Variants in ERC2 observed in about 807,000 individuals in gnomAD.
ERC2 encodes ERC protein 2.
ERC2 carries 42 observed loss-of-function variants against 114.8 expected under a neutral mutation model. The observed-to-expected ratio is 0.37, with a 90% CI of 0.29 to 0.47. The LOEUF is 0.47. Ranked by LOEUF, ERC2 falls within the 20% of genes least tolerant of loss-of-function variation. The pLI, the probability that ERC2 is intolerant of heterozygous loss-of-function variation, is 0.99. For missense variants in ERC2, 939 were observed against 1,150.7 expected (o/e 0.82, Z 2.66); for synonymous variants, 454 against 425.5 (o/e 1.07, Z -0.82).
At position 55,764,401 on chromosome 3, in the gene ERC2, T is replaced by C. The variant is rs180725118; in HGVS notation, c.2565-29483A>G. ...CAACACTTGCATCGCATTTACTTAC[T>C]AACGGGATCTTTTACCTTGGACTGT... On this transcript the variant is annotated intron_variant, in intron 14 of 17. Coordinates refer to ENST00000288221, the MANE Select transcript of ERC2 (RefSeq NM_015576.3). Among the ~76,000 whole-genome samples, 3 of 152,336 alleles carry C rather than the reference T, an allele frequency of 2.0e-5. No homozygotes were observed. In the East Asian group the frequency reaches 5.8e-4, roughly 29 times the overall value.
intron 14 of ERC2, among the ~76,000 whole-genome samples, chr3:55,875,677 C>T (rs2062796071): frequency 6.7e-6 from 1 of 150,232 alleles, no homozygotes; most frequent in Non-Finnish European, 1.5e-5. Context: ...TCTTTTTCTG[C>T]CCCTAAACTC....
intron 2 of ERC2, among the ~76,000 whole-genome samples, chr3:56,430,631 G>C (rs1381661365): frequency 1.3e-5 from 2 of 151,740 alleles, no homozygotes; most frequent in Non-Finnish European, 2.9e-5. Flanking sequence ...CTACAAAAAA[G>C]TACAAAAATT....
At chr3:55,906,189 AGG>A (rs36053278) in intron 13 of ERC2, among the ~76,000 whole-genome samples, 1 of 151,640 alleles carries the variant, frequency 6.6e-6, no homozygotes, top group Non-Finnish European at 1.5e-5. Context: ...AAGTAGTGGC[AGG>A]GGGGGCCGGG....
intron 13 of ERC2, among the ~76,000 whole-genome samples, chr3:55,934,925 A>G (rs1487768537): frequency 6.6e-6 from 1 of 152,118 alleles, no homozygotes; most frequent in Non-Finnish European, 1.5e-5. Context: ...GGTCTGGGGG[A>G]AAAAAAGATA....
chr3:56,188,164 G>A (rs961247858), intron 3 of ERC2, among the ~76,000 whole-genome samples: 2 of 152,098 alleles, frequency 1.3e-5, no homozygotes, highest in South Asian at 2.1e-4. Flanking sequence ...ACAACTTGAG[G>A]GCCACCCTTC....
intron 14 of ERC2, among the ~76,000 whole-genome samples, chr3:55,814,416 A>G (rs2059832987): frequency 6.6e-6 from 1 of 152,162 alleles, no homozygotes; most frequent in Non-Finnish European, 1.5e-5. Context: ...TCAAACCAAG[A>G]TTTCCTGCTG....
At chr3:56,444,467 G>A (rs1212893036) in intron 1 of ERC2, among the ~76,000 whole-genome samples, 3 of 152,094 alleles carry the variant, frequency 2.0e-5, no homozygotes, top group Non-Finnish European at 4.4e-5. Context: ...GGTAAGTTCC[G>A]CTTATGGCTC....
chr3:56,259,759 C>G (rs1270440452), intron 3 of ERC2, among the ~76,000 whole-genome samples: 1 of 152,076 alleles, frequency 6.6e-6, no homozygotes, highest in Non-Finnish European at 1.5e-5. Context: ...TGCCCAGAAG[C>G]CTTGCTTTTT....
intron 17 of ERC2, among the ~76,000 whole-genome samples, chr3:55,541,003 T>C (rs2054359538): frequency 6.6e-6 from 1 of 152,060 alleles, no homozygotes; most frequent in East Asian, 1.9e-4. Flanking sequence ...CCAACAAGTA[T>C]ATATATAAAC....
chr3:56,124,992 CTA>C (rs1384888444), intron 6 of ERC2, among the ~76,000 whole-genome samples: 3 of 152,156 alleles, frequency 2.0e-5, no homozygotes, highest in African/African-American at 7.2e-5. Context: ...TGATCTTACT[CTA>C]TTGTATTTCA....
At chr3:55,631,165 T>A (rs2059742536) in intron 17 of ERC2, among the ~76,000 whole-genome samples, 1 of 152,070 alleles carries the variant, frequency 6.6e-6, no homozygotes, top group South Asian at 2.1e-4. Context: ...TTGGGGTTTT[T>A]TTTTTCCCCA....
At chr3:55,799,762 A>G (rs2070889102) in intron 14 of ERC2, among the ~76,000 whole-genome samples, 1 of 152,084 alleles carries the variant, frequency 6.6e-6, no homozygotes, top group African/African-American at 2.4e-5. Flanking sequence ...ATCTTGTTGG[A>G]ATAATGTTTG....
chr3:56,225,247 A>G (rs935800334), intron 3 of ERC2, among the ~76,000 whole-genome samples: 1 of 152,124 alleles, frequency 6.6e-6, no homozygotes, highest in Non-Finnish European at 1.5e-5. Flanking sequence ...GAAAAAATGA[A>G]AAAAGGGGGA....
At chr3:56,196,398 C>T (rs1032873908) in intron 3 of ERC2, among the ~76,000 whole-genome samples, 1 of 152,018 alleles carries the variant, frequency 6.6e-6, no homozygotes, top group African/African-American at 2.4e-5. Flanking sequence ...AAAATACAGC[C>T]CATTTTCCAT....
intron 4 of ERC2, among the ~76,000 whole-genome samples, chr3:56,168,756 C>G (rs2150010263): frequency 6.6e-6 from 1 of 152,330 alleles, no homozygotes; most frequent in East Asian, 1.9e-4. Context: ...CTTAACCCAG[C>G]TGCAGGTCAG....
intron 13 of ERC2, among the ~76,000 whole-genome samples, chr3:55,922,437 C>A (rs1031406998): frequency 6.6e-6 from 1 of 152,050 alleles, no homozygotes; most frequent in African/African-American, 2.4e-5. Flanking sequence ...AAGCAACACA[C>A]TTTTGGTCTC....
At chr3:56,445,777 T>C (rs2107481496) in intron 1 of ERC2, among the ~76,000 whole-genome samples, 1 of 152,342 alleles carries the variant, frequency 6.6e-6, no homozygotes, top group East Asian at 1.9e-4. Context: ...CCTGCTGTTC[T>C]CTTTGCAGGG....
chr3:55,694,042 C>G (rs2148811494), intron 16 of ERC2, among the ~76,000 whole-genome samples: 1 of 152,152 alleles, frequency 6.6e-6, no homozygotes, highest in South Asian at 2.1e-4. Context: ...GGAAAATAAA[C>G]AAAATAGGAT....
At chr3:55,978,948 T>C (rs1255730484) in intron 12 of ERC2, among the ~76,000 whole-genome samples, 3 of 152,176 alleles carry the variant, frequency 2.0e-5, no homozygotes, top group Admixed American at 2.0e-4. Flanking sequence ...GCCCCTGCTT[T>C]GCGTATTTAG....
Sources: gnomAD v4.1 joint callset for allele counts (sites outside exome capture counted in the v4.1 genomes callset) on GRCh38, gnomAD v4.1.1 for gene constraint, MANE v1.5 for transcripts, NCBI Gene and HGNC (gene_info 2026-07-23, HGNC 2026-07-21) for gene names.